Variants in IL1RAPL2 observed in about 807,000 individuals in gnomAD.
IL1RAPL2 encodes the protein interleukin 1 receptor accessory protein like 2.
A neutral mutation model predicts 44.1 loss-of-function variants in IL1RAPL2; 3 were observed. The observed-to-expected ratio is 0.07, with a 90% CI of 0.03 to 0.18. The LOEUF (loss-of-function observed/expected upper bound fraction) is 0.18. Among genes scored for constraint, IL1RAPL2 ranks in the 10% least tolerant of loss-of-function variants. The probability of loss-of-function intolerance (pLI) is 1.00; values close to 1 mark genes in which losing one functional copy is unlikely to be tolerated. For synonymous variants in IL1RAPL2, 181 were observed against 178.8 expected (o/e 1.01, Z -0.10); for missense variants, 391 against 496.4 (o/e 0.79, Z 2.02).
At chrX:104,877,040 C>T (rs1469415393) in intron 2 of IL1RAPL2, among the ~76,000 whole-genome samples, 1 of 110,483 alleles carries the variant, frequency 9.1e-6, no homozygotes, top group Non-Finnish European at 1.9e-5. Context: ...TCATACATGT[C>T]CCTACAAAGG....
At chrX:105,046,722 T>C (rs996814287) in intron 2 of IL1RAPL2, among the ~76,000 whole-genome samples, 2 of 111,012 alleles carry the variant, frequency 1.8e-5, no homozygotes, top group Non-Finnish European at 1.9e-5. Context: ...GAGCACAGTG[T>C]CCATTCTTGT....
chrX:105,384,172 G>A (rs2035458992), intron 5 of IL1RAPL2, among the ~76,000 whole-genome samples: 1 of 111,493 alleles, frequency 9.0e-6, no homozygotes, highest in African/African-American at 3.3e-5. Context: ...TCTTACTCAG[G>A]AATTCCTTTC....
chrX:105,149,324 A>G (rs1414152671), intron 2 of IL1RAPL2, among the ~76,000 whole-genome samples: 1 of 112,096 alleles, frequency 8.9e-6, no homozygotes, highest in East Asian at 2.8e-4. Flanking sequence ...TACAAAATCT[A>G]TAAAAAATAG....
At chrX:104,580,011 A>G (rs1928313937) in intron 1 of IL1RAPL2, among the ~76,000 whole-genome samples, 1 of 111,620 alleles carries the variant, frequency 9.0e-6, no homozygotes, top group Non-Finnish European at 1.9e-5. Flanking sequence ...TTAATTGCCC[A>G]AATTACCTGA....
At chrX:105,434,572 T>C (rs1353458037) in intron 5 of IL1RAPL2, among the ~76,000 whole-genome samples, 1 of 112,053 alleles carries the variant, frequency 8.9e-6, no homozygotes, top group Non-Finnish European at 1.9e-5. Flanking sequence ...TGTTTTTTTC[T>C]TGTAAATTTG....
intron 2 of IL1RAPL2, among the ~76,000 whole-genome samples, chrX:104,849,163 A>C (rs1239778677): frequency 4.7e-5 from 5 of 106,727 alleles, no homozygotes; most frequent in Non-Finnish European, 1.9e-5. Context: ...CTGAGTAGCT[A>C]GAAGTACAGG....
intron 2 of IL1RAPL2, among the ~76,000 whole-genome samples, chrX:105,128,773 C>T (rs897079607): frequency 2.7e-5 from 3 of 110,938 alleles, no homozygotes; most frequent in Non-Finnish European, 3.8e-5. Flanking sequence ...ATATTTAGGC[C>T]TTAGTTCTAT....
chrX:104,752,121 G>A (rs1306371057), intron 2 of IL1RAPL2, among the ~76,000 whole-genome samples: 3 of 110,799 alleles, frequency 2.7e-5, no homozygotes, highest in African/African-American at 9.8e-5. Context: ...GGGCTTCCTG[G>A]AAAATTTCTA....
intron 3 of IL1RAPL2, among the ~76,000 whole-genome samples, chrX:105,224,485 C>T (rs1432124231): frequency 1.8e-5 from 2 of 111,381 alleles, no homozygotes; most frequent in Admixed American, 1.9e-4. Context: ...ATCTCTGACA[C>T]AGTAGAGAAT....
intron 6 of IL1RAPL2, among the ~76,000 whole-genome samples, chrX:105,659,524 G>C (rs1569462663): frequency 9.2e-6 from 1 of 108,594 alleles, no homozygotes; most frequent in Non-Finnish European, 1.9e-5. Flanking sequence ...GGGCGTGGTG[G>C]CGGGCGCCTG....
At chrX:105,666,977 A>G (rs1377082735) in intron 6 of IL1RAPL2, among the ~76,000 whole-genome samples, 1 of 111,706 alleles carries the variant, frequency 9.0e-6, no homozygotes, top group African/African-American at 3.3e-5. Context: ...GTCTTTACAC[A>G]ATCCTGCATG....
At chrX:104,937,478 C>T (rs1306628119) in intron 2 of IL1RAPL2, among the ~76,000 whole-genome samples, 1 of 111,957 alleles carries the variant, frequency 8.9e-6, no homozygotes, top group Non-Finnish European at 1.9e-5. Context: ...ACTACAAACT[C>T]CCATTTGAAA....
intron 6 of IL1RAPL2, among the ~76,000 whole-genome samples, chrX:105,490,930 T>C (rs1306583025): frequency 8.9e-6 from 1 of 112,169 alleles, no homozygotes; most frequent in Non-Finnish European, 1.9e-5. Context: ...AGGCTTTCAC[T>C]AAAAACAATG....
intron 2 of IL1RAPL2, among the ~76,000 whole-genome samples, chrX:104,795,150 G>A (rs1434193215): frequency 1.8e-5 from 2 of 111,705 alleles, no homozygotes; most frequent in Non-Finnish European, 1.9e-5. Context: ...TCAGCATTCT[G>A]GCCTGGAGAA....
At chrX:105,030,228 G>A (rs952248395) in intron 2 of IL1RAPL2, among the ~76,000 whole-genome samples, 1 of 111,305 alleles carries the variant, frequency 9.0e-6, no homozygotes, top group African/African-American at 3.3e-5. Context: ...TTCTTTTGCT[G>A]TGCAGAAGCT....
rs1602977004 is a variant in IL1RAPL2, at chrX:105,144,635, C to T, written c.83-50840C>T. Among the ~76,000 whole-genome samples the T allele has an allele frequency of 2.7e-5, 3 of 111,330 alleles. No individual in the cohort carries two copies. In the South Asian group the frequency reaches 1.1e-3, roughly 42 times the overall value. On this transcript the variant is annotated intron_variant, in intron 2 of 10. Coordinates refer to ENST00000372582, the MANE Select transcript of IL1RAPL2 (RefSeq NM_017416.2). ...TTGTTTCTACTTTTCCCATGTAACC[C>T]AAGTGATTTGATGCCTCTGTGTCTT...
At chrX:105,125,083 G>T (rs1012259548) in intron 2 of IL1RAPL2, among the ~76,000 whole-genome samples, 3 of 110,160 alleles carry the variant, frequency 2.7e-5, no homozygotes, top group Admixed American at 9.7e-5. Context: ...TTTGTGTATG[G>T]TACTTTCTTT....
intron 2 of IL1RAPL2, among the ~76,000 whole-genome samples, chrX:105,108,913 G>A (rs2032773563): frequency 9.0e-6 from 1 of 111,358 alleles, no homozygotes; most frequent in African/African-American, 3.3e-5. Flanking sequence ...GCTCTATAAG[G>A]CCCTGCATGA....
chrX:104,879,241 A>G (rs1019089624), intron 2 of IL1RAPL2, among the ~76,000 whole-genome samples: 1 of 110,266 alleles, frequency 9.1e-6, no homozygotes, highest in Admixed American at 9.6e-5. Flanking sequence ...ATATCTCCAG[A>G]TCAGTGAAAA....
Sources: gnomAD v4.1 joint callset for allele counts (sites outside exome capture counted in the v4.1 genomes callset) on GRCh38, gnomAD v4.1.1 for gene constraint, MANE v1.5 for transcripts, NCBI Gene and HGNC (gene_info 2026-07-23, HGNC 2026-07-21) for gene names.